CACNB2: variants seen among roughly 807,000 people sequenced by gnomAD.
CACNB2 encodes voltage-dependent L-type calcium channel subunit beta-2.
A neutral mutation model predicts 73.3 loss-of-function variants in CACNB2; 42 were observed. The observed-to-expected ratio is 0.57, with a 90% confidence interval of 0.45 to 0.74. The LOEUF is 0.74. Ranked by LOEUF, CACNB2 falls within the 30% of genes least tolerant of loss-of-function variation. The probability of loss-of-function intolerance (pLI) is 0.00; values close to 1 mark genes in which losing one functional copy is unlikely to be tolerated. For synonymous variants in CACNB2, 348 were observed against 310.3 expected (o/e 1.12, Z -1.28); for missense variants, 940 against 853.0 (o/e 1.10, Z -1.27).
rs2228645 is a variant in CACNB2 at position 18,539,442 on chromosome 10, C to G, written c.1701C>G (p.Tyr567Ter). 3 of 1,613,674 alleles carry G rather than the reference C, an allele frequency of 1.9e-6. No individual in the cohort carries two copies. Among genetic ancestry groups the G allele is most frequent in the Non-Finnish European group, 2.5e-6 (3 of 1,179,906 alleles). ...SETQESRDSA[Y>*]VEPKEDYSHD... Reference sequence around the variant, plus strand: ...CCCAGGAGAGTCGAGACTCTGCCTACGTAGAGCCAAAGGAAGATTATTCCC... The same window carrying G: ...CCCAGGAGAGTCGAGACTCTGCCTAGGTAGAGCCAAAGGAAGATTATTCCC... Residue 567 changes from tyrosine to a stop codon, truncating the protein, a stop_gained, in exon 14 of 14, where the codon TAC (tyrosine) becomes TAG (stop). Transcript: ENST00000324631. LOFTEE classifies it high-confidence loss of function.
At chr10:18,220,232 T>TATAG (rs1488872721) in intron 2 of CACNB2, among the ~76,000 whole-genome samples, 45 of 25,088 alleles carry the variant, frequency 1.8e-3, no homozygotes, top group South Asian at 5.6e-3. Flanking sequence ...TATATATATA[T>TATAG]AGAGAGAGAG....
chr10:18,273,288 G>A (rs920601060), intron 2 of CACNB2, among the ~76,000 whole-genome samples: 5 of 151,980 alleles, frequency 3.3e-5, no homozygotes, highest in African/African-American at 4.8e-5. Context: ...CTACTTGATC[G>A]GCTCTCTCAC....
chr10:18,274,984 T>C lies in CACNB2; in HGVS notation c.213+124009T>C, dbSNP rs75040956. Among the ~76,000 whole-genome samples, 906 of 152,324 alleles carry C rather than the reference T, an allele frequency of 5.9e-3. 12 individuals carry two copies. Among genetic ancestry groups the C allele is most frequent in the African/African-American group, 0.021 (868 of 41,564 alleles). On this transcript the variant is annotated intron_variant, in intron 2 of 13. Transcript: ENST00000324631. ...ACAATCAGATTAAAGGATACTCTTT[T>C]AAAAGACACTGATTTGGACTCTACT...
At chr10:18,340,826 C>A in intron 2 of CACNB2, 3 of 1,611,962 alleles carry the variant, frequency 1.9e-6, no homozygotes, top group Non-Finnish European at 2.5e-6. Context: ...CTATGCTGTT[C>A]AGCAAAGCAA....
chr10:18,350,140 G>A (rs1413497174), intron 2 of CACNB2, among the ~76,000 whole-genome samples: 1 of 152,178 alleles, frequency 6.6e-6, no homozygotes, highest in African/African-American at 2.4e-5. Context: ...AGCTACTCAG[G>A]AGGGTGAGGC....
rs66974116 is a variant in CACNB2 at position 18,489,390 on chromosome 10, C to CAA, written c.334-8942_334-8941dup. Among the ~76,000 whole-genome samples, 91 of 59,618 alleles carry CAA rather than the reference C, an allele frequency of 1.5e-3. No individual in the cohort carries two copies. In the South Asian group the frequency reaches 0.017, roughly 11 times the overall value. The allele number at this position is 59,618 out of a possible 152,430, so 39.1% of individuals were successfully genotyped here. On this transcript the variant is annotated intron_variant, in intron 3 of 13. Transcript: ENST00000324631. ...GGGCAACAAGAGTGAAACTCCATCT[C>CAA]AAAAAAAAAAAAAAAAAAAAAAAAT...
At chr10:18,443,431 T>A (rs2132551439) in intron 3 of CACNB2, among the ~76,000 whole-genome samples, 1 of 152,220 alleles carries the variant, frequency 6.6e-6, no homozygotes, top group Non-Finnish European at 1.5e-5. Context: ...CCAGGCCTCC[T>A]TTCTAGCAAG....
At chr10:18,329,255 T>C (rs190609461) in intron 2 of CACNB2, among the ~76,000 whole-genome samples, 117 of 152,262 alleles carry the variant, frequency 7.7e-4, no homozygotes, top group African/African-American at 2.7e-3. Flanking sequence ...CTCAACTGTA[T>C]TACAGAATAG....
chr10:18,149,305 AT>A (rs1266436173), intron 1 of CACNB2, among the ~76,000 whole-genome samples: 2 of 152,308 alleles, frequency 1.3e-5, no homozygotes, highest in Admixed American at 1.3e-4. Context: ...AAAGAATGTT[AT>A]TTTTCAACAG....
chr10:18,430,975 T>G (rs2045862315), intron 3 of CACNB2, among the ~76,000 whole-genome samples: 1 of 152,168 alleles, frequency 6.6e-6, no homozygotes, highest in South Asian at 2.1e-4. Context: ...ATCTGAGATT[T>G]TATATATTTT....
At chr10:18,302,423 A>G (rs1308798561) in intron 2 of CACNB2, among the ~76,000 whole-genome samples, 4 of 152,238 alleles carry the variant, frequency 2.6e-5, no homozygotes, top group South Asian at 2.1e-4. Context: ...AGAATTCGCA[A>G]TTGCAAAAAT....
intron 2 of CACNB2, among the ~76,000 whole-genome samples, chr10:18,306,899 G>A (rs1046206106): frequency 2.2e-4 from 33 of 152,094 alleles, no homozygotes; most frequent in African/African-American, 7.2e-4. Context: ...AATATAAAAG[G>A]TTGTGATCTG....
intron 2 of CACNB2, among the ~76,000 whole-genome samples, chr10:18,235,565 G>C (rs1375313548): frequency 1.3e-5 from 2 of 152,184 alleles, no homozygotes; most frequent in Non-Finnish European, 2.9e-5. Context: ...GAGACAGAAG[G>C]GGTCTGTTTG....
At chr10:18,143,755 T>C (rs543277261) in intron 1 of CACNB2, among the ~76,000 whole-genome samples, 6 of 152,312 alleles carry the variant, frequency 3.9e-5, no homozygotes, top group Admixed American at 6.5e-5. Flanking sequence ...CCTCCTTGTA[T>C]GTGGCACCGA....
chr10:18,150,781 T>C, intron 1 of CACNB2, 102 bp from the exon 2 acceptor site: 1 of 699,044 alleles, frequency 1.4e-6, no homozygotes, highest in Admixed American at 2.7e-5. Flanking sequence ...ATGTATTACT[T>C]GTTTTTGGTC....
intron 9 of CACNB2, among the ~76,000 whole-genome samples, chr10:18,523,343 C>T (rs547746552): frequency 1.3e-4 from 20 of 152,306 alleles, no homozygotes; most frequent in Non-Finnish European, 2.5e-4. Flanking sequence ...ACTACTTGTA[C>T]TTAAACCTGA....
chr10:18,418,514 CT>C (rs1228820605), intron 3 of CACNB2, among the ~76,000 whole-genome samples: 31 of 152,310 alleles, frequency 2.0e-4, no homozygotes, highest in African/African-American at 7.0e-4. Flanking sequence ...TGTAATCTAG[CT>C]TAATAGGCAG....
chr10:18,432,835 A>AAAACAAAC lies in CACNB2; in HGVS notation c.333+30816_333+30823dup, dbSNP rs71402166. On this transcript the variant is annotated intron_variant, in intron 3 of 13. Coordinates refer to ENST00000324631, the MANE Select transcript of CACNB2 (RefSeq NM_201596.3). Reference sequence around the variant, plus strand: ...GGTGACAGAGTCAGCCCTGTCTAAAAAAACAAACAAACAAACAAACAAACA... The same window carrying AAAACAAAC: ...GGTGACAGAGTCAGCCCTGTCTAAAAAAACAAACAAACAAACAAACAAACAAACAAACA... 1.7e-3 allele frequency among the ~76,000 whole-genome samples: 254 copies of AAAACAAAC among 150,906 alleles called. 1 individual carries two copies. Among genetic ancestry groups the AAAACAAAC allele is most frequent in the Middle Eastern group, 0.01 (3 of 288 alleles).
In CACNB2 at chr10:18,375,554, G is replaced by A. The variant is rs1007895322; in HGVS notation, c.214-26370G>A. Among the ~76,000 whole-genome samples, 4 of 152,078 alleles carry A rather than the reference G, an allele frequency of 2.6e-5. No homozygotes were observed. In the East Asian group the frequency reaches 5.8e-4, roughly 22 times the overall value. ...GAGTAGCCTCTTGTTCCTTAAAACC[G>A]GGAAATAGAAGGCAATATTTGTCAC... On this transcript the variant is annotated intron_variant, in intron 2 of 13. Coordinates refer to ENST00000324631, the MANE Select transcript of CACNB2 (RefSeq NM_201596.3).
Sources: allele counts gnomAD v4.1 joint callset (sites outside exome capture counted in the v4.1 genomes callset), GRCh38; gene constraint gnomAD v4.1.1; transcripts MANE v1.5; gene names NCBI Gene and HGNC (gene_info 2026-07-23, HGNC 2026-07-21).